The following GART variants were observed in gnomAD, a reference collection of about 807,000 sequenced individuals.
GART encodes trifunctional purine biosynthetic protein adenosine-3.
A neutral mutation model predicts 107.2 loss-of-function variants in GART; 43 were observed. The observed-to-expected ratio is 0.40, with a 90% CI of 0.31 to 0.52. GART has a LOEUF of 0.52. Ranked by LOEUF, GART falls within the 20% of genes least tolerant of loss-of-function variation. GART has a pLI of 0.52. For synonymous variants in GART, 434 were observed against 427.0 expected (o/e 1.02, Z -0.20); for missense variants, 1,107 against 1,206.5 (o/e 0.92, Z 1.22).
At chr21:33,524,614 C>A (rs1202723044) in intron 11 of GART, 155 bp downstream of exon 11, 30 of 1,417,740 alleles carry the variant, frequency 2.1e-5, no homozygotes, top group South Asian at 3.2e-5. Context: ...ATTGCTATAA[C>A]CAGTTTTGAT....
chr21:33,523,089 C>T (rs1308695231), intron 11 of GART, among the ~76,000 whole-genome samples: 1 of 152,122 alleles, frequency 6.6e-6, no homozygotes, highest in Non-Finnish European at 1.5e-5. Context: ...ACCCACAAGT[C>T]GGAGCAGTAC....
At position 33,521,159 on chromosome 21, in the gene GART, T is replaced by C. The variant is rs958035862; in HGVS notation, c.1394-144A>G. 2.1e-5 allele frequency: 13 copies of C among 630,196 alleles called. No individual in the cohort carries two copies. In the African/African-American group the frequency reaches 2.2e-4, roughly 11 times the overall value. The allele number at this position is 630,196 out of a possible 1,614,324, so 39.0% of individuals were successfully genotyped here. ...AAGAAATAGATGATTGGAACAGCTGTTCTCAGAGATGACATAATCAAATCA... is the reference window on the plus strand; with the variant it reads ...AAGAAATAGATGATTGGAACAGCTGCTCTCAGAGATGACATAATCAAATCA... On this transcript the variant is annotated intron_variant, in intron 12 of 21. Transcript: ENST00000381815.
intron 18 of GART, among the ~76,000 whole-genome samples, chr21:33,507,523 T>C (rs1212057045): frequency 6.6e-6 from 1 of 152,144 alleles, no homozygotes; most frequent in Non-Finnish European, 1.5e-5. Flanking sequence ...TTACACATTT[T>C]AAAATAACTG....
chr21:33,537,506 A>G (rs1171980918), intron 2 of GART, among the ~76,000 whole-genome samples: 1 of 152,222 alleles, frequency 6.6e-6, no homozygotes, highest in Non-Finnish European at 1.5e-5. Context: ...GGAAAAGAAC[A>G]TAGAAGACAG....
chr21:33,527,754 G>A (rs1337093499), intron 10 of GART, among the ~76,000 whole-genome samples: 5 of 152,144 alleles, frequency 3.3e-5, no homozygotes, highest in Non-Finnish European at 5.9e-5. Flanking sequence ...ACTGTAAACT[G>A]GGGGTCAAAC....
At chr21:33,517,690 T>C in intron 14 of GART, 82 bp from the exon 15 acceptor site, 1 of 1,381,434 alleles carries the variant, frequency 7.2e-7, no homozygotes, top group Non-Finnish European at 1.0e-6. Context: ...ACTCTTAACA[T>C]GAACAACTAA....
intron 16 of GART, among the ~76,000 whole-genome samples, chr21:33,515,663 A>C (rs8134950): frequency 0.018 from 2,713 of 150,116 alleles, 93 homozygotes; most frequent in African/African-American, 0.064. Context: ...AAAAAAAAAA[A>C]AAAAAAAAAA....
chr21:33,517,608 C>T lies in GART; in HGVS notation c.1703G>A (p.Gly568Glu). 1 of 1,614,104 alleles carries T rather than the reference C, an allele frequency of 6.2e-7. No individual in the cohort carries two copies. ...ACGKAGCALLGGETAEMPDMY... is the reference protein window; with the variant it reads ...ACGKAGCALLEGETAEMPDMY... ...GTCAGGCATTTCTGCTGTTTCACCT[C>T]CTGGTGGGATAAGACAAGAACAAAG... Residue 568 changes from glycine to glutamate, a missense_variant and splice_region_variant, in exon 15 of 22, where the codon GGA (glycine) becomes GAA (glutamate). Physicochemically the swap from Gly to Glu is moderately conservative, Grantham distance 98 (BLOSUM62 -2). Transcript: ENST00000381815.
chr21:33,506,072 G>C lies in GART; in HGVS notation c.2485C>G (p.Arg829Gly). Residue 829 changes from arginine (R) to glycine (G), a missense_variant, in exon 19 of 22, where the codon CGG (arginine) becomes GGG (glycine). Physicochemically the swap from Arg to Gly is moderately radical, Grantham distance 125 (BLOSUM62 -2). Coordinates refer to ENST00000381815, the MANE Select transcript of GART (RefSeq NM_000819.5). ...ATTTGTGCAGAGCTATTTGGTTCCC[G>C]AGTACTGTCTATAAGTGCTTGCAGG... ...SNLQALIDST[R>G]EPNSSAQIDI... 6.2e-7 allele frequency: 1 copy of C among 1,613,976 alleles called. No homozygotes were observed. The highest frequency in any genetic ancestry group is 8.5e-7 in the Non-Finnish European group (1 of 1,180,012).
intron 16 of GART, among the ~76,000 whole-genome samples, chr21:33,515,687 A>T (rs1010054686): frequency 5.3e-5 from 8 of 151,692 alleles, no homozygotes; most frequent in Non-Finnish European, 1.2e-4. Context: ...GAAAAACAAA[A>T]AACAAAAAAG....
chr21:33,537,095 A>C (rs144506689), intron 2 of GART, among the ~76,000 whole-genome samples: 2 of 152,160 alleles, frequency 1.3e-5, no homozygotes, highest in South Asian at 2.1e-4. Context: ...AGCGTCAACT[A>C]TATCAGTATA....
chr21:33,537,452 C>T (rs2085326507), intron 2 of GART, among the ~76,000 whole-genome samples: 1 of 152,160 alleles, frequency 6.6e-6, no homozygotes. Context: ...AAGTTCCTTG[C>T]CCTCATGGAG....
At chr21:33,507,830 T>TCAAAAA (rs921650026) in intron 18 of GART, among the ~76,000 whole-genome samples, 8 of 151,526 alleles carry the variant, frequency 5.3e-5, no homozygotes, top group African/African-American at 1.2e-4. Context: ...AGACTCTATC[T>TCAAAAA]CAAAAACAAA....
At chr21:33,510,964 G>A (rs978493426) in intron 17 of GART, among the ~76,000 whole-genome samples, 1 of 152,044 alleles carries the variant, frequency 6.6e-6, no homozygotes, top group African/African-American at 2.4e-5. Flanking sequence ...TCCTTGAATC[G>A]AGCTGAGTGA....
intron 2 of GART, among the ~76,000 whole-genome samples, chr21:33,536,710 G>A (rs1311538758): frequency 6.6e-6 from 1 of 152,166 alleles, no homozygotes; most frequent in Non-Finnish European, 1.5e-5. Flanking sequence ...AGGGTTACCT[G>A]AACACATGCA....
chr21:33,510,952 A>G (rs1258296836), intron 17 of GART, among the ~76,000 whole-genome samples: 1 of 152,122 alleles, frequency 6.6e-6, no homozygotes, highest in Non-Finnish European at 1.5e-5. Context: ...CTTGCTCGCT[A>G]TTCCTTGAAT....
intron 2 of GART, among the ~76,000 whole-genome samples, chr21:33,538,041 G>A (rs1382653967): frequency 6.6e-6 from 1 of 151,942 alleles, no homozygotes; most frequent in African/African-American, 2.4e-5. Context: ...TCAGGAGTTT[G>A]AGACCAGCCT....
chr21:33,524,142 A>G, intron 11 of GART: 1 of 985,410 alleles, frequency 1.0e-6, no homozygotes, highest in Non-Finnish European at 1.2e-6. Context: ...CAAACTTTAC[A>G]GTATAATCAA....
intron 2 of GART, among the ~76,000 whole-genome samples, chr21:33,536,543 G>A (rs540955062): frequency 1.4e-4 from 21 of 152,268 alleles, no homozygotes; most frequent in Non-Finnish European, 2.5e-4. Context: ...AGTGCTGAAC[G>A]CTATATATAT....
Sources: allele counts gnomAD v4.1 joint callset (sites outside exome capture counted in the v4.1 genomes callset), GRCh38; gene constraint gnomAD v4.1.1; transcripts MANE v1.5; gene names NCBI Gene and HGNC (gene_info 2026-07-23, HGNC 2026-07-21).